SLC35F1: variants seen among roughly 807,000 people sequenced by gnomAD.
SLC35F1 encodes the protein chromosome 6 open reading frame 169.
SLC35F1 carries 14 observed loss-of-function variants against 48.7 expected under a neutral mutation model. That is an observed-to-expected ratio of 0.29 (90% CI 0.19 to 0.45). The LOEUF is 0.45. Among genes scored for constraint, SLC35F1 ranks in the 20% least tolerant of loss-of-function variants. SLC35F1 has a pLI of 1.00. For synonymous variants in SLC35F1, 190 were observed against 202.2 expected, an observed-to-expected ratio of 0.94 and a Z score of 0.51; for missense variants, 404 against 500.0, an observed-to-expected ratio of 0.81 and a Z score of 1.83.
intron 2 of SLC35F1, among the ~76,000 whole-genome samples, chr6:118,175,022 C>T (rs543387286): frequency 5.3e-5 from 8 of 152,148 alleles, no homozygotes; most frequent in African/African-American, 1.4e-4. Flanking sequence ...CTATAGAAGT[C>T]GGAAGATTGC....
intron 1 of SLC35F1, among the ~76,000 whole-genome samples, chr6:117,997,485 A>G (rs531464052): frequency 6.6e-6 from 1 of 152,246 alleles, no homozygotes; most frequent in African/African-American, 2.4e-5. Context: ...GATTCACCAA[A>G]GTTGAAATGA....
chr6:118,279,555 C>G (rs1175129228), intron 6 of SLC35F1, among the ~76,000 whole-genome samples: 1 of 152,194 alleles, frequency 6.6e-6, no homozygotes, highest in Non-Finnish European at 1.5e-5. Context: ...TCACAAAATA[C>G]AGACAAAAGG....
chr6:117,988,322 C>G (rs1562256525), intron 1 of SLC35F1, among the ~76,000 whole-genome samples: 1 of 152,148 alleles, frequency 6.6e-6, no homozygotes, highest in African/African-American at 2.4e-5. Context: ...AGTCACTTCC[C>G]TTATATCCCA....
intron 1 of SLC35F1, among the ~76,000 whole-genome samples, chr6:118,070,142 CAA>C (rs61496169): frequency 1.3e-5 from 1 of 78,724 alleles, no homozygotes; most frequent in African/African-American, 5.3e-5. Flanking sequence ...GACTCCGTCT[CAA>C]AAAAAAAAAA....
intron 1 of SLC35F1, among the ~76,000 whole-genome samples, chr6:117,931,096 AC>A (rs1459689477): frequency 6.6e-6 from 1 of 152,168 alleles, no homozygotes; most frequent in Non-Finnish European, 1.5e-5. Context: ...AGTAGACATT[AC>A]GTGTTATAAT....
chr6:118,041,744 G>A (rs1772224426), intron 1 of SLC35F1, among the ~76,000 whole-genome samples: 1 of 152,108 alleles, frequency 6.6e-6, no homozygotes, highest in Non-Finnish European at 1.5e-5. Flanking sequence ...GATCAGCAAT[G>A]GAAAAACGCC....
intron 1 of SLC35F1, among the ~76,000 whole-genome samples, chr6:117,982,098 G>A (rs911725661): frequency 6.6e-6 from 1 of 152,048 alleles, no homozygotes; most frequent in Non-Finnish European, 1.5e-5. Flanking sequence ...CCCCAAATCT[G>A]TTTCTGTCAA....
chr6:118,135,194 C>T (rs1284178608), intron 1 of SLC35F1, among the ~76,000 whole-genome samples: 2 of 152,146 alleles, frequency 1.3e-5, no homozygotes, highest in African/African-American at 2.4e-5. Flanking sequence ...CACACAAGTC[C>T]ACCAGAGGGT....
chr6:118,255,190 C>T (rs369854383), intron 3 of SLC35F1, among the ~76,000 whole-genome samples: 48 of 152,244 alleles, frequency 3.2e-4, no homozygotes, highest in East Asian at 2.7e-3. Context: ...GAATAGCAGG[C>T]CTGTGATCAC....
At chr6:118,140,848 T>C (rs1328579729) in intron 1 of SLC35F1, among the ~76,000 whole-genome samples, 1 of 151,810 alleles carries the variant, frequency 6.6e-6, no homozygotes, top group Non-Finnish European at 1.5e-5. Context: ...GCAAAATAAA[T>C]AATGTTAAAA....
At chr6:118,260,652 A>G (rs1199271953) in intron 3 of SLC35F1, among the ~76,000 whole-genome samples, 1 of 152,178 alleles carries the variant, frequency 6.6e-6, no homozygotes, top group Admixed American at 6.5e-5. Flanking sequence ...GAAGAAAGAA[A>G]GGATATCTTG....
intron 1 of SLC35F1, among the ~76,000 whole-genome samples, chr6:118,095,380 C>T (rs1773138270): frequency 6.6e-6 from 1 of 152,202 alleles, no homozygotes; most frequent in Non-Finnish European, 1.5e-5. Context: ...ATTCCATTTT[C>T]AGATTCTCAT....
intron 1 of SLC35F1, among the ~76,000 whole-genome samples, chr6:118,018,366 G>C (rs796426081): frequency 3.6e-4 from 54 of 151,142 alleles, no homozygotes; most frequent in African/African-American, 1.3e-3. Flanking sequence ...GAAAGACTCT[G>C]TCTCGGAAAA....
chr6:118,233,209 C>G (rs999850532), intron 2 of SLC35F1, among the ~76,000 whole-genome samples: 2 of 152,214 alleles, frequency 1.3e-5, no homozygotes, highest in Non-Finnish European at 2.9e-5. Context: ...TCGTGATCTG[C>G]CCGCCTCAGC....
chr6:117,942,877 G>A (rs1776249507), intron 1 of SLC35F1, among the ~76,000 whole-genome samples: 1 of 152,112 alleles, frequency 6.6e-6, no homozygotes, highest in African/African-American at 2.4e-5. Context: ...ATTGTTACAA[G>A]TAATGCATTT....
chr6:118,012,430 G>T (rs1217250442), intron 1 of SLC35F1, among the ~76,000 whole-genome samples: 1 of 152,024 alleles, frequency 6.6e-6, no homozygotes, highest in Non-Finnish European at 1.5e-5. Context: ...GCAAGCTGTT[G>T]CTTCTGCCCC....
intron 1 of SLC35F1, among the ~76,000 whole-genome samples, chr6:118,116,827 ATTAATGAT>A (rs1773482191): frequency 6.6e-6 from 1 of 152,192 alleles, no homozygotes; most frequent in African/African-American, 2.4e-5. Context: ...ATAGGAGACC[ATTAATGAT>A]TTAATCAAAT....
intron 1 of SLC35F1, among the ~76,000 whole-genome samples, chr6:117,971,433 G>T (rs1582593072): frequency 1.3e-5 from 2 of 152,226 alleles, no homozygotes; most frequent in African/African-American, 4.8e-5. Context: ...CTGGATCACA[G>T]TTCTGGCATC....
rs1183493675 is a variant in SLC35F1, at chr6:118,268,584, G to GTATATA, written c.637+1442_637+1447dup. Reference sequence around the variant, plus strand: ...CCAGTTGTTCTAAAGTCATATATATGTATATATATATATATATTTTTTTTT... The same window carrying GTATATA: ...CCAGTTGTTCTAAAGTCATATATATGTATATATATATATATATATATATTTTTTTTT... On this transcript the variant is annotated intron_variant, in intron 4 of 7. Coordinates refer to ENST00000360388, the MANE Select transcript of SLC35F1 (RefSeq NM_001029858.4). Among the ~76,000 whole-genome samples, 209 of 67,260 alleles carry GTATATA rather than the reference G, an allele frequency of 3.1e-3. 1 individual carries two copies. The highest frequency in any genetic ancestry group is 4.7e-3 in the Non-Finnish European group (159 of 33,988). The allele number at this position is 67,260 out of a possible 152,430, so 44.1% of individuals were successfully genotyped here.
Sources: gnomAD v4.1 joint callset for allele counts (sites outside exome capture counted in the v4.1 genomes callset) on GRCh38, gnomAD v4.1.1 for gene constraint, MANE v1.5 for transcripts, NCBI Gene and HGNC (gene_info 2026-07-23, HGNC 2026-07-21) for gene names.